FAF1: variants seen among roughly 807,000 people sequenced by gnomAD.
FAF1 encodes the protein Fas associated factor 1.
A neutral mutation model predicts 92.5 loss-of-function variants in FAF1; 25 were observed. The observed-to-expected ratio is 0.27, with a 90% CI of 0.20 to 0.38. The LOEUF (loss-of-function observed/expected upper bound fraction) is 0.38, where lower values mean the gene tolerates loss of function less well. Among genes scored for constraint, FAF1 ranks in the 10% least tolerant of loss-of-function variants. FAF1 has a pLI of 1.00. For synonymous variants in FAF1, 234 were observed against 273.2 expected, an observed-to-expected ratio of 0.86 and a Z score of 1.42; for missense variants, 636 against 793.3, an observed-to-expected ratio of 0.80 and a Z score of 2.38.
chr1:50,802,128 T>A (rs947533088), intron 2 of FAF1, among the ~76,000 whole-genome samples: 4 of 152,142 alleles, frequency 2.6e-5, no homozygotes, highest in African/African-American at 7.2e-5. Context: ...TTCACTCTTG[T>A]TGCCCAGGCT....
chr1:50,615,541 T>G (rs992357624), intron 8 of FAF1, among the ~76,000 whole-genome samples: 1 of 152,240 alleles, frequency 6.6e-6, no homozygotes, highest in African/African-American at 2.4e-5. Context: ...CATCTACTGT[T>G]TTCTGACTTT....
chr1:50,661,386 C>CAAA (rs1292248285), intron 7 of FAF1, among the ~76,000 whole-genome samples: 4 of 152,130 alleles, frequency 2.6e-5, no homozygotes, highest in Non-Finnish European at 5.9e-5. Context: ...CTTCACATAT[C>CAAA]AAACATTTTG....
intron 6 of FAF1, among the ~76,000 whole-genome samples, chr1:50,731,448 C>T (rs1658917217): frequency 6.6e-6 from 1 of 150,684 alleles, no homozygotes; most frequent in Admixed American, 6.6e-5. Context: ...TGGCTCACTG[C>T]AAGCTCTGCC....
intron 1 of FAF1, among the ~76,000 whole-genome samples, chr1:50,927,352 G>A (rs749927265): frequency 3.9e-5 from 6 of 151,990 alleles, no homozygotes; most frequent in Admixed American, 6.5e-5. Flanking sequence ...AGGCCGAGGC[G>A]GGTGGGTCAC....
intron 4 of FAF1, among the ~76,000 whole-genome samples, chr1:50,752,857 A>G (rs1419369545): frequency 6.6e-6 from 1 of 151,452 alleles, no homozygotes; most frequent in Non-Finnish European, 1.5e-5. Flanking sequence ...TAATTTTTGT[A>G]TTTTTCAGTA....
intron 7 of FAF1, among the ~76,000 whole-genome samples, chr1:50,694,182 T>G (rs1657085535): frequency 6.6e-6 from 1 of 152,136 alleles, no homozygotes; most frequent in Non-Finnish European, 1.5e-5. Context: ...CATCTCCCGA[T>G]TCAACAGCAA....
At chr1:50,507,622 T>A (rs187727618) in intron 15 of FAF1, among the ~76,000 whole-genome samples, 1 of 152,072 alleles carries the variant, frequency 6.6e-6, no homozygotes, top group Non-Finnish European at 1.5e-5. Context: ...GAAGCTGAGG[T>A]GGGAGGCTGT....
At chr1:50,479,872 G>A (rs778346558) in intron 17 of FAF1, among the ~76,000 whole-genome samples, 1 of 152,112 alleles carries the variant, frequency 6.6e-6, no homozygotes, top group Non-Finnish European at 1.5e-5. Flanking sequence ...GCAACCTTGA[G>A]ATTTGAATAT....
At chr1:50,638,972 A>G (rs1205434955) in intron 8 of FAF1, among the ~76,000 whole-genome samples, 1 of 152,188 alleles carries the variant, frequency 6.6e-6, no homozygotes, top group East Asian at 1.9e-4. Context: ...TTGTGTCCCT[A>G]TTGGAGTCAG....
At chr1:50,650,444 ACC>A (rs1654811615) in intron 8 of FAF1, among the ~76,000 whole-genome samples, 1 of 151,332 alleles carries the variant, frequency 6.6e-6, no homozygotes, top group Admixed American at 6.6e-5. Flanking sequence ...ACACAGCGAA[ACC>A]CTGTCTCTAC....
intron 4 of FAF1, among the ~76,000 whole-genome samples, chr1:50,763,434 T>G (rs1660438929): frequency 6.6e-6 from 1 of 152,164 alleles, no homozygotes; most frequent in Admixed American, 6.5e-5. Context: ...TGAAACTTCT[T>G]AGATTTGTGA....
intron 2 of FAF1, among the ~76,000 whole-genome samples, chr1:50,820,573 G>T (rs946592906): frequency 1.5e-4 from 23 of 152,010 alleles, no homozygotes; most frequent in Admixed American, 1.4e-3. Context: ...ATTAGCTATG[G>T]TCACTATGCT....
At chr1:50,566,677 A>C (rs910847466) in intron 13 of FAF1, among the ~76,000 whole-genome samples, 1 of 152,110 alleles carries the variant, frequency 6.6e-6, no homozygotes, top group Non-Finnish European at 1.5e-5. Flanking sequence ...GGACTTGTGC[A>C]GAAAGTCCTG....
intron 1 of FAF1, among the ~76,000 whole-genome samples, chr1:50,877,933 G>T (rs1240574816): frequency 1.3e-5 from 2 of 152,164 alleles, no homozygotes; most frequent in East Asian, 3.9e-4. Flanking sequence ...ATAACCCTAA[G>T]AACATTTTCA....
chr1:50,892,121 A>G (rs1320371196), intron 1 of FAF1, among the ~76,000 whole-genome samples: 1 of 152,188 alleles, frequency 6.6e-6, no homozygotes, highest in Non-Finnish European at 1.5e-5. Context: ...TGTGCTAGCA[A>G]TGAGTGAGGC....
At chr1:50,811,020 G>T (rs1191185594) in intron 2 of FAF1, among the ~76,000 whole-genome samples, 1 of 152,070 alleles carries the variant, frequency 6.6e-6, no homozygotes, top group Non-Finnish European at 1.5e-5. Flanking sequence ...TCCAGCCTGG[G>T]TGACAGAGTG....
At chr1:50,714,347 T>C (rs976062516) in intron 6 of FAF1, among the ~76,000 whole-genome samples, 1 of 134,616 alleles carries the variant, frequency 7.4e-6, no homozygotes, top group Non-Finnish European at 1.6e-5. Context: ...TACTAAAAAT[T>C]AAAAAAAAAA....
chr1:50,525,346 G>T (rs1647736445), intron 15 of FAF1, among the ~76,000 whole-genome samples: 1 of 152,128 alleles, frequency 6.6e-6, no homozygotes, highest in African/African-American at 2.4e-5. Flanking sequence ...CCATTTGTTT[G>T]TATCTTTCAG....
chr1:50,653,623 T>C (rs1458319441), intron 8 of FAF1, among the ~76,000 whole-genome samples: 2 of 152,140 alleles, frequency 1.3e-5, no homozygotes, highest in African/African-American at 4.8e-5. Flanking sequence ...CTCAGCACTT[T>C]GGGAGGCCGA....
Sources: allele counts gnomAD v4.1 joint callset (sites outside exome capture counted in the v4.1 genomes callset), GRCh38; gene constraint gnomAD v4.1.1; transcripts MANE v1.5; gene names NCBI Gene and HGNC (gene_info 2026-07-23, HGNC 2026-07-21).